CCSER1: variants seen among roughly 807,000 people sequenced by gnomAD.
CCSER1 encodes serine-rich coiled-coil domain-containing protein 1.
A neutral mutation model predicts 82.0 loss-of-function variants in CCSER1; 41 were observed. The ratio of observed to expected loss-of-function variants is 0.50; its 90% CI spans 0.39 to 0.65. CCSER1 has a LOEUF of 0.65. CCSER1 is among the 30% of genes least tolerant of loss of function. The pLI is 0.00. For missense variants in CCSER1, 1,119 were observed against 1,064.2 expected (o/e 1.05, Z -0.72); for synonymous variants, 414 against 383.9 (o/e 1.08, Z -0.92).
chr4:90,129,352 T>C (rs540389383), intron 1 of CCSER1, among the ~76,000 whole-genome samples: 1 of 152,372 alleles, frequency 6.6e-6, no homozygotes, highest in South Asian at 2.1e-4. Context: ...TTCTGTTTGC[T>C]TTATAACAGG....
At chr4:91,172,724 C>T (rs1336032972) in intron 10 of CCSER1, among the ~76,000 whole-genome samples, 3 of 152,070 alleles carry the variant, frequency 2.0e-5, no homozygotes, top group Non-Finnish European at 4.4e-5. Flanking sequence ...CAGGGGTTTT[C>T]CTCCTAGAAG....
intron 1 of CCSER1, among the ~76,000 whole-genome samples, chr4:90,237,625 C>T (rs1313555336): frequency 1.3e-5 from 2 of 152,006 alleles, no homozygotes; most frequent in East Asian, 3.9e-4. Flanking sequence ...CAATTAAAAC[C>T]ATAACTATAT....
chr4:90,590,016 G>A (rs1451035194), intron 5 of CCSER1, among the ~76,000 whole-genome samples: 1 of 152,190 alleles, frequency 6.6e-6, no homozygotes, highest in Non-Finnish European at 1.5e-5. Flanking sequence ...GCTCATGCCT[G>A]TAATCCCAAT....
chr4:90,191,322 T>C (rs1430002459), intron 1 of CCSER1, among the ~76,000 whole-genome samples: 1 of 151,898 alleles, frequency 6.6e-6, no homozygotes, highest in Non-Finnish European at 1.5e-5. Flanking sequence ...AAACCTGGTG[T>C]GAAGCACATG....
intron 10 of CCSER1, among the ~76,000 whole-genome samples, chr4:91,490,013 C>T (rs1343737097): frequency 1.3e-5 from 2 of 152,100 alleles, no homozygotes; most frequent in African/African-American, 4.8e-5. Flanking sequence ...CATTGATCCT[C>T]AGAGAATTGC....
At chr4:91,384,344 C>T (rs1181747593) in intron 10 of CCSER1, among the ~76,000 whole-genome samples, 1 of 151,744 alleles carries the variant, frequency 6.6e-6, no homozygotes, top group African/African-American at 2.4e-5. Flanking sequence ...AAAACAATTC[C>T]AATATTTAAA....
chr4:91,085,867 T>G, intron 9 of CCSER1, 83 bp from the exon 10 acceptor site: 1 of 812,342 alleles, frequency 1.2e-6, no homozygotes, highest in South Asian at 1.6e-5. Flanking sequence ...ATTATTTCCT[T>G]TATTTCAAAA....
chr4:91,126,364 T>G (rs796287321), intron 10 of CCSER1, among the ~76,000 whole-genome samples: 18 of 152,038 alleles, frequency 1.2e-4, no homozygotes, highest in African/African-American at 4.3e-4. Context: ...GAAACTTTTA[T>G]GCTTTCTTCT....
chr4:90,494,676 G>A (rs960207578), intron 5 of CCSER1, among the ~76,000 whole-genome samples: 2 of 152,122 alleles, frequency 1.3e-5, no homozygotes, highest in South Asian at 2.1e-4. Context: ...TGTCTGCAAC[G>A]TATCTGGTAT....
At chr4:91,432,300 ATTAAT>A (rs1272024763) in intron 10 of CCSER1, among the ~76,000 whole-genome samples, 1 of 152,202 alleles carries the variant, frequency 6.6e-6, no homozygotes, top group African/African-American at 2.4e-5. Context: ...TACTACAATA[ATTAAT>A]TTAATTAAAC....
intron 10 of CCSER1, 79 bp downstream of exon 10, chr4:91,086,073 G>A: frequency 1.2e-6 from 1 of 846,396 alleles, no homozygotes; most frequent in Non-Finnish European, 1.9e-6. Flanking sequence ...GATGGTGATT[G>A]ACGATAATTA....
At chr4:90,864,678 A>C (rs1765521151) in intron 8 of CCSER1, among the ~76,000 whole-genome samples, 1 of 152,050 alleles carries the variant, frequency 6.6e-6, no homozygotes. Flanking sequence ...TTCTCAGTGA[A>C]AAATAGATCT....
At chr4:91,308,008 A>G (rs926436598) in intron 10 of CCSER1, among the ~76,000 whole-genome samples, 11 of 152,088 alleles carry the variant, frequency 7.2e-5, no homozygotes, top group Non-Finnish European at 1.3e-4. Flanking sequence ...CTGGGTGTTA[A>G]ACACTCTACT....
intron 4 of CCSER1, among the ~76,000 whole-genome samples, chr4:90,447,362 T>C (rs1486609069): frequency 2.0e-5 from 3 of 152,064 alleles, no homozygotes; most frequent in African/African-American, 4.8e-5. Flanking sequence ...AGAATGAAAT[T>C]TACTAGAATG....
chr4:91,237,667 G>T (rs1164408692), intron 10 of CCSER1, among the ~76,000 whole-genome samples: 1 of 152,228 alleles, frequency 6.6e-6, no homozygotes, highest in South Asian at 2.1e-4. Context: ...GTCAGTAAAG[G>T]TATTTGAAGG....
Position 91,370,122 on chromosome 4 carries a change from A to T in CCSER1, c.2218-228450A>T, listed in dbSNP as rs28580174. ...CAATACCTGCTAACAAGTCTATTTAATTTGGGGATATAAGACTTTAAATAT... is the reference window on the plus strand; with the variant it reads ...CAATACCTGCTAACAAGTCTATTTATTTTGGGGATATAAGACTTTAAATAT... On this transcript the variant is annotated intron_variant, in intron 10 of 10. Coordinates refer to ENST00000509176, the MANE Select transcript of CCSER1 (RefSeq NM_001145065.2). Among the ~76,000 whole-genome samples the T allele has an allele frequency of 3.0e-3, 454 of 152,218 alleles. 2 individuals carry two copies. Among genetic ancestry groups the T allele is most frequent in the African/African-American group, 0.01 (435 of 41,530 alleles).
intron 10 of CCSER1, among the ~76,000 whole-genome samples, chr4:91,465,080 T>C (rs1402703853): frequency 2.0e-5 from 3 of 152,178 alleles, no homozygotes; most frequent in Non-Finnish European, 2.9e-5. Context: ...TCACATTTAT[T>C]CCAAAATTGA....
chr4:90,415,974 T>A (rs2153558282), intron 4 of CCSER1, among the ~76,000 whole-genome samples: 1 of 152,300 alleles, frequency 6.6e-6, no homozygotes, highest in East Asian at 1.9e-4. Context: ...AATTTATAGC[T>A]GGAGATCTCA....
intron 6 of CCSER1, among the ~76,000 whole-genome samples, chr4:90,691,521 A>G (rs1403626512): frequency 4.7e-5 from 7 of 150,300 alleles, no homozygotes; most frequent in African/African-American, 1.5e-4. Context: ...TTACATGTGT[A>G]CATATCACAC....
Sources: gnomAD v4.1 joint callset for allele counts (sites outside exome capture counted in the v4.1 genomes callset) on GRCh38, gnomAD v4.1.1 for gene constraint, MANE v1.5 for transcripts, NCBI Gene and HGNC (gene_info 2026-07-23, HGNC 2026-07-21) for gene names.